The following VDR variants were observed in gnomAD, a reference collection of about 807,000 sequenced individuals.
The protein encoded by VDR is vitamin D receptor.
In VDR, 19 loss-of-function variants were observed where a neutral mutation model predicts 39.7. The observed-to-expected ratio is 0.48, with a 90% confidence interval of 0.33 to 0.70. The LOEUF is 0.70. VDR is among the 30% of genes least tolerant of loss of function. VDR has a pLI of 0.02. For missense variants in VDR, 442 were observed against 570.5 expected (o/e 0.77, Z 2.29); for synonymous variants, 242 against 215.8 (o/e 1.12, Z -1.07).
chr12:47,902,682 G>C (rs1946588824), intron 1 of VDR, among the ~76,000 whole-genome samples: 1 of 152,228 alleles, frequency 6.6e-6, no homozygotes, highest in African/African-American at 2.4e-5. Context: ...CTGGCCCCTA[G>C]GACCTGACTG....
chr12:47,888,388 T>C (rs1310649174), intron 1 of VDR, among the ~76,000 whole-genome samples: 63 of 152,180 alleles, frequency 4.1e-4, no homozygotes, highest in African/African-American at 2.4e-5. Context: ...TCACCAAGGC[T>C]ACTCTGGGGA....
chr12:47,883,425 T>C lies in VDR; in HGVS notation c.-83-651A>G, dbSNP rs934433606. On this transcript the variant is annotated intron_variant, in intron 1 of 9. Transcript: ENST00000549336. ...CAAAGCATTGCTTTCAAACAGGATG[T>C]TTTCTGCCACTTTTAGCTCTTCCCC... Among the ~76,000 whole-genome samples, 6 of 152,130 alleles carry C rather than the reference T, an allele frequency of 3.9e-5. No homozygotes were observed. In the East Asian group the frequency reaches 1.2e-3, roughly 29 times the overall value.
chr12:47,852,392 G>A (rs1263239867), intron 7 of VDR, among the ~76,000 whole-genome samples: 1 of 152,234 alleles, frequency 6.6e-6, no homozygotes, highest in Non-Finnish European at 1.5e-5. Flanking sequence ...GTAACGTGAA[G>A]CGTGGAGGAG....
Position 47,878,910 on chromosome 12 carries a change from A to G in VDR, c.146+58T>C, listed in dbSNP as rs180733478. 1.9e-3 allele frequency: 3,088 copies of G among 1,613,430 alleles called. 5 individuals are homozygous for G. The highest frequency in any genetic ancestry group is 1.7e-3 in the Non-Finnish European group (1,971 of 1,179,834). On this transcript the variant is annotated intron_variant, in intron 3 of 9. Transcript: ENST00000549336. ...AAAATGCAAGGGCTCCCTTCATGGA[A>G]ACACCTTGCTTCTTCTCCCTCCCTT... is the stretch of plus-strand genomic sequence containing the variant.
In VDR at chr12:47,896,616, C is replaced by T. The variant is rs1946469409; in HGVS notation, c.-84+8339G>A. On this transcript the variant is annotated intron_variant, in intron 1 of 9. Coordinates refer to ENST00000549336, the MANE Select transcript of VDR (RefSeq NM_000376.3). ...CTCCTTCTCCTTCTAGGCTCCAAAC[C>T]TTCGGGGGGCTTTGCTAAAAGACAC... 5 of 152,162 alleles carry T rather than the reference C, an allele frequency of 3.3e-5. 1 individual carries two copies. The highest frequency in any genetic ancestry group is 3.3e-4 in the Admixed American group (5 of 15,280). The allele number at this position is 152,162 out of a possible 1,614,324, so 9.4% of individuals were successfully genotyped here. A position where few individuals can be genotyped will look rare whatever the true frequency, so the allele number is the denominator to read the frequency against.
At chr12:47,902,427 G>A (rs139605565) in intron 1 of VDR, among the ~76,000 whole-genome samples, 7 of 152,268 alleles carry the variant, frequency 4.6e-5, no homozygotes, top group African/African-American at 1.7e-4. Flanking sequence ...GCCCACCCTG[G>A]GGCTCAAACT....
rs1946345383 is a variant in VDR, at chr12:47,890,369, T to C, written c.-83-7595A>G. Among the ~76,000 whole-genome samples, 4 of 133,582 alleles carry C rather than the reference T, an allele frequency of 3.0e-5. No homozygotes were observed. In the South Asian group the frequency reaches 8.5e-4, roughly 28 times the overall value. 87.6% of individuals were successfully genotyped at this position (133,582 alleles called of 152,430 possible). The stretch of plus-strand genomic sequence containing the variant: ...TATTTTATATATATTATGTATGTAA[T>C]ATATATTTTATATATATATATATAT... On this transcript the variant is annotated intron_variant, in intron 1 of 9. Transcript: ENST00000549336.
At chr12:47,870,553 G>A (rs369597704) in intron 3 of VDR, among the ~76,000 whole-genome samples, 4 of 152,182 alleles carry the variant, frequency 2.6e-5, no homozygotes, top group East Asian at 1.9e-4. Flanking sequence ...GACATTGACC[G>A]ATTCTCATGC....
At chr12:47,889,303 G>A (rs1946318760) in intron 1 of VDR, among the ~76,000 whole-genome samples, 3 of 152,258 alleles carry the variant, frequency 2.0e-5, no homozygotes, top group African/African-American at 2.4e-5. Context: ...AGGATGTGGT[G>A]TGGGGTAGGA....
intron 1 of VDR, among the ~76,000 whole-genome samples, chr12:47,890,377 TTATATA>T (rs60534556): frequency 7.0e-6 from 1 of 141,914 alleles, no homozygotes; most frequent in Non-Finnish European, 1.5e-5. Context: ...AATATATATT[TTATATA>T]TATATATATA....
chr12:47,846,315 C>T lies in VDR; in HGVS notation c.1024+20G>A, dbSNP rs184049030. ...CCCCGCTCCCCAGGTCCCTGAGCTC[C>T]TCCCTGCCTGGCCCCATACCTGGGG... On this transcript the variant is annotated intron_variant, in intron 9 of 9. Coordinates refer to ENST00000549336, the MANE Select transcript of VDR (RefSeq NM_000376.3). The T allele has an allele frequency of 1.7e-5, 28 of 1,603,816 alleles. 1 individual carries two copies. In the African/African-American group the frequency reaches 3.6e-4, roughly 21 times the overall value.
chr12:47,899,661 T>C (rs747727588), intron 1 of VDR, among the ~76,000 whole-genome samples: 11 of 152,226 alleles, frequency 7.2e-5, no homozygotes, highest in Non-Finnish European at 1.2e-4. Flanking sequence ...GCATTTTCTC[T>C]TCCTGCGACC....
At chr12:47,868,921 C>T (rs573283406) in intron 3 of VDR, among the ~76,000 whole-genome samples, 2 of 152,320 alleles carry the variant, frequency 1.3e-5, no homozygotes, top group South Asian at 4.2e-4. Flanking sequence ...GTCAGCCTAG[C>T]CCAGCCACCA....
At chr12:47,889,987 T>C (rs978380703) in intron 1 of VDR, among the ~76,000 whole-genome samples, 1 of 152,066 alleles carries the variant, frequency 6.6e-6, no homozygotes, top group Non-Finnish European at 1.5e-5. Flanking sequence ...TTTTGTTTTT[T>C]TTTTAATTGC....
intron 1 of VDR, among the ~76,000 whole-genome samples, chr12:47,888,338 T>G (rs927719345): frequency 4.6e-5 from 7 of 152,140 alleles, no homozygotes; most frequent in Admixed American, 1.3e-4. Flanking sequence ...ATCACAGGGC[T>G]AGTGGGTCAC....
At chr12:47,879,217 A>G in intron 2 of VDR, 102 bp from the exon 3 acceptor site, 2 of 1,234,122 alleles carry the variant, frequency 1.6e-6, no homozygotes, top group South Asian at 3.0e-5. Flanking sequence ...CACCGCCCCC[A>G]CCCCCCACCA....
intron 3 of VDR, among the ~76,000 whole-genome samples, chr12:47,870,027 G>A (rs910748393): frequency 2.6e-5 from 4 of 152,214 alleles, no homozygotes; most frequent in African/African-American, 7.2e-5. Flanking sequence ...GCTCTGGAGC[G>A]TGGGGTCAGT....
At chr12:47,901,019 G>A (rs1279531722) in intron 1 of VDR, among the ~76,000 whole-genome samples, 1 of 152,184 alleles carries the variant, frequency 6.6e-6, no homozygotes, top group African/African-American at 2.4e-5. Context: ...GACTGCTTCT[G>A]CCTTCCACTC....
At chr12:47,899,014 C>T (rs1053327765) in intron 1 of VDR, among the ~76,000 whole-genome samples, 1 of 152,120 alleles carries the variant, frequency 6.6e-6, no homozygotes, top group African/African-American at 2.4e-5. Context: ...TTAATCTATA[C>T]ATAAACATAT....
Sources: allele counts gnomAD v4.1 joint callset (sites outside exome capture counted in the v4.1 genomes callset), GRCh38; gene constraint gnomAD v4.1.1; transcripts MANE v1.5; gene names NCBI Gene and HGNC (gene_info 2026-07-23, HGNC 2026-07-21).